The following NUP54 variants were observed in gnomAD, a reference collection of about 807,000 sequenced individuals.
NUP54 encodes nucleoporin 54.
A neutral mutation model predicts 66.4 loss-of-function variants in NUP54; 27 were observed. The ratio of observed to expected loss-of-function variants is 0.41; its 90% confidence interval spans 0.30 to 0.56. The LOEUF (loss-of-function observed/expected upper bound fraction) is 0.56. Ranked by LOEUF, NUP54 falls within the 20% of genes least tolerant of loss-of-function variation. The pLI, the probability that NUP54 is intolerant of heterozygous loss-of-function variation, is 0.34. For missense variants in NUP54, 486 were observed against 596.3 expected, an observed-to-expected ratio of 0.82 and a Z score of 1.93; for synonymous variants, 206 against 210.7, an observed-to-expected ratio of 0.98 and a Z score of 0.19.
In NUP54 at chr4:76,143,360, C is replaced by A. The variant is rs183491375; in HGVS notation, c.295+789G>T. ...GTGGCGCACACCTGTAATCCCAGCA[C>A]TTTGGGAGGCCGAGGCAGGCAGATC... On this transcript the variant is annotated intron_variant, in intron 3 of 11. Transcript: ENST00000264883. Among the ~76,000 whole-genome samples the A allele has an allele frequency of 3.3e-5, 5 of 152,342 alleles. No homozygotes were observed. The East Asian group carries it at 9.6e-4, about 29-fold the overall frequency.
chr4:76,118,777 G>A (rs1730083787), intron 9 of NUP54, among the ~76,000 whole-genome samples: 1 of 151,830 alleles, frequency 6.6e-6, no homozygotes, highest in Non-Finnish European at 1.5e-5. Flanking sequence ...GGACAAGGCG[G>A]GTGGATCAAG....
intron 9 of NUP54, chr4:76,118,446 C>T (rs557330249): frequency 2.5e-4 from 98 of 387,316 alleles, no homozygotes; most frequent in African/African-American, 1.6e-3. Flanking sequence ...AGTGCAGTGG[C>T]GTAAACACAG....
intron 5 of NUP54, 130 bp from the exon 6 acceptor site, chr4:76,132,849 T>A: frequency 1.4e-6 from 1 of 698,652 alleles, no homozygotes. Context: ...AGGAGGCAAT[T>A]AAAATGTTTC....
In NUP54 at chr4:76,132,724, AG is replaced by A; in HGVS notation, c.711-6del. On this transcript the variant is annotated splice_region_variant and splice_polypyrimidine_tract_variant and intron_variant, in intron 5 of 11. Transcript: ENST00000264883. ...ACATAAATAACAACTTCTGTCCTGA[AG>A]GAAGAATAACCAATTTATAAAATAT... is the stretch of plus-strand genomic sequence containing the variant. The A allele has an allele frequency of 6.2e-7, 1 of 1,602,582 alleles. No individual in the cohort carries two copies. The highest frequency in any genetic ancestry group is 8.5e-7 in the Non-Finnish European group (1 of 1,174,132).
At chr4:76,118,257 T>C (rs552594004) in intron 9 of NUP54, 63 bp from the exon 10 acceptor site, 2 of 1,401,384 alleles carry the variant, frequency 1.4e-6, no homozygotes, top group South Asian at 1.2e-5. Flanking sequence ...CAAGTAGTAG[T>C]AGTACAATTA....
chr4:76,133,189 C>T (rs1730888734), intron 5 of NUP54, among the ~76,000 whole-genome samples: 1 of 151,978 alleles, frequency 6.6e-6, no homozygotes, highest in Non-Finnish European at 1.5e-5. Context: ...TGATGAGCTG[C>T]TGTGCCCAAC....
intron 11 of NUP54, among the ~76,000 whole-genome samples, chr4:76,116,033 G>A (rs1380318391): frequency 6.6e-6 from 1 of 151,992 alleles, no homozygotes; most frequent in East Asian, 1.9e-4. Flanking sequence ...TTATCATCTC[G>A]ACAGTTAAAG....
At chr4:76,122,548 A>C (rs536559347) in intron 9 of NUP54, among the ~76,000 whole-genome samples, 1 of 152,330 alleles carries the variant, frequency 6.6e-6, no homozygotes, top group Admixed American at 6.5e-5. Context: ...CACTTAGCAT[A>C]ATTTGCATCT....
Position 76,124,664 on chromosome 4 carries a change from G to A in NUP54, c.1149C>T (p.Ser383=). The change falls in exon 9 of 12, where the codon TCC becomes TCT. Residue 383 remains serine (S), a synonymous_variant. Coordinates refer to ENST00000264883, the MANE Select transcript of NUP54 (RefSeq NM_017426.4). ...AAATTACTACCTGTAAAGTTCTATG[G>A]GAAAGATCCATGAGTTTCCTCTTGT... ...AQYKRKLMDL[S]HRTLQVLIKQ... 6.4e-7 allele frequency: 1 copy of A among 1,573,798 alleles called. No individual in the cohort carries two copies. Among genetic ancestry groups the A allele is most frequent in the Non-Finnish European group, 8.7e-7 (1 of 1,149,118 alleles).
intron 3 of NUP54, among the ~76,000 whole-genome samples, chr4:76,137,699 G>A (rs1025801945): frequency 2.0e-5 from 3 of 152,190 alleles, no homozygotes; most frequent in African/African-American, 7.2e-5. Flanking sequence ...TCTTAGGGCA[G>A]ATAAATATGC....
chr4:76,123,159 T>C (rs1730307372), intron 9 of NUP54, among the ~76,000 whole-genome samples: 1 of 152,202 alleles, frequency 6.6e-6, no homozygotes, highest in Non-Finnish European at 1.5e-5. Flanking sequence ...TCTCTGAATA[T>C]ACTAAAAGCC....
At chr4:76,123,238 C>T (rs58127619) in intron 9 of NUP54, among the ~76,000 whole-genome samples, 20,027 of 152,152 alleles carry the variant, frequency 0.13, 1,542 homozygotes, top group East Asian at 0.35. Flanking sequence ...GAAAAAAGAA[C>T]AAATGAAGCT....
chr4:76,148,371 C>T lies in NUP54; in HGVS notation c.4G>A (p.Ala2Thr), dbSNP rs868498250. M[A>T]FNFGAPSGTS... ...CCCGAGGGAGCCCCAAAATTGAAGGCCATGTCGCGAAAGCAGGAGACCAAG... is the reference window on the plus strand; with the variant it reads ...CCCGAGGGAGCCCCAAAATTGAAGGTCATGTCGCGAAAGCAGGAGACCAAG... Residue 2 changes from alanine (A) to threonine (T), a missense_variant, in exon 1 of 12, where the codon GCC becomes ACC. By Grantham distance (58) the Ala-to-Thr change is moderately conservative (BLOSUM62 0). Transcript: ENST00000264883. 6.5e-6 allele frequency: 10 copies of T among 1,541,544 alleles called. No individual in the cohort carries two copies. The highest frequency in any genetic ancestry group is 8.7e-6 in the Non-Finnish European group (10 of 1,145,104).
In NUP54 at chr4:76,117,698, T is replaced by A; in HGVS notation, c.1361A>T (p.Tyr454Phe). 6.2e-7 allele frequency: 1 copy of A among 1,613,452 alleles called. No homozygotes were observed. The highest frequency in any genetic ancestry group is 8.5e-7 in the Non-Finnish European group (1 of 1,179,400). ...FGAVRSEERY[Y>F]IDADLLREIK... ...TTCTCGTAACAGATCTGCATCTATGTAATACCTTTCTTCAGATCTGACTGC... is the reference window on the plus strand; with the variant it reads ...TTCTCGTAACAGATCTGCATCTATGAAATACCTTTCTTCAGATCTGACTGC... Residue 454 changes from tyrosine (Y) to phenylalanine (F), a missense_variant, in exon 11 of 12, where the codon TAC becomes TTC. Tyr to Phe is a conservative substitution (Grantham distance 22). Coordinates refer to ENST00000264883, the MANE Select transcript of NUP54 (RefSeq NM_017426.4).
At chr4:76,133,063 TA>T (rs72427101) in intron 5 of NUP54, among the ~76,000 whole-genome samples, 22,590 of 149,554 alleles carry the variant, frequency 0.15, 2,629 homozygotes, top group African/African-American at 0.31. Flanking sequence ...TATATATATA[TA>T]TTTTTAAATT....
chr4:76,117,821 T>A (rs6532201), intron 10 of NUP54, 47 bp from the exon 11 acceptor site: 210,467 of 1,419,246 alleles, frequency 0.15, 17,090 homozygotes, highest in East Asian at 0.35. Flanking sequence ...CGAAGACTTG[T>A]AAAAGACAAT....
intron 8 of NUP54, among the ~76,000 whole-genome samples, chr4:76,128,221 C>G (rs575476122): frequency 6.6e-6 from 1 of 152,092 alleles, no homozygotes; most frequent in East Asian, 1.9e-4. Context: ...CTGTACACTG[C>G]AGAATGTGTG....
chr4:76,125,966 ACAGCCAACAAC>A (rs1184089210), intron 8 of NUP54, among the ~76,000 whole-genome samples: 3 of 152,146 alleles, frequency 2.0e-5, no homozygotes, highest in Admixed American at 2.0e-4. Flanking sequence ...AACATGGAAT[ACAGCCAACAAC>A]CAGGTCTGAG....
At chr4:76,145,739 T>C (rs1446993350) in intron 1 of NUP54, 4 of 281,378 alleles carry the variant, frequency 1.4e-5, no homozygotes, top group Non-Finnish European at 2.7e-5. Context: ...ATATTGCAGA[T>C]TTTTTGGAAT....
Sources: allele counts gnomAD v4.1 joint callset (sites outside exome capture counted in the v4.1 genomes callset), GRCh38; gene constraint gnomAD v4.1.1; transcripts MANE v1.5; gene names NCBI Gene and HGNC (gene_info 2026-07-23, HGNC 2026-07-21).